Variants in HOXC10 observed in about 807,000 individuals in gnomAD.
The protein encoded by HOXC10 is homeobox C10.
In HOXC10, 15 loss-of-function variants were observed where a neutral mutation model predicts 26.0. The ratio of observed to expected loss-of-function variants is 0.58; its 90% CI spans 0.39 to 0.89. HOXC10 has a LOEUF of 0.89. Ranked by LOEUF, HOXC10 falls within the 40% of genes least tolerant of loss-of-function variation. The probability of loss-of-function intolerance (pLI) is 0.00; values close to 1 mark genes in which losing one functional copy is unlikely to be tolerated. For synonymous variants in HOXC10, 196 were observed against 185.5 expected (o/e 1.06, Z -0.46); for missense variants, 446 against 451.9 (o/e 0.99, Z 0.12).
In HOXC10 at chr12:53,989,414, C is replaced by T. The variant is rs377534424; in HGVS notation, c.997C>T (p.Arg333Trp). 24 of 1,613,558 alleles carry T rather than the reference C, an allele frequency of 1.5e-5. No homozygotes were observed. In the African/African-American group the frequency reaches 2.0e-4, roughly 13 times the overall value. The change falls in exon 2 of 2, where the codon CGG (arginine) becomes TGG (tryptophan). Residue 333 changes from arginine (R) to tryptophan (W), a missense_variant. Transcript: ENST00000303460. ...GAAAATGAACCGAGAGAATCGGATCCGGGAACTGACCTCCAATTTTAATTT... is the reference window on the plus strand; with the variant it reads ...GAAAATGAACCGAGAGAATCGGATCTGGGAACTGACCTCCAATTTTAATTT... ...LKKMNRENRI[R>W]ELTSNFNFT is the part of the protein sequence containing the mutation.
Position 53,985,285 on chromosome 12 carries a change from C to A in HOXC10, c.26C>A (p.Pro9Gln). 1 of 1,575,870 alleles carries A rather than the reference C, an allele frequency of 6.3e-7. No homozygotes were observed. The change falls in exon 1 of 2, where the codon CCG becomes CAG. Residue 9 changes from proline to glutamine, a missense_variant. Physicochemically the swap from Pro to Gln is moderately conservative, Grantham distance 76. Transcript: ENST00000303460. MTCPRNVTPNSYAEPLAAP... is the reference protein window; with the variant it reads MTCPRNVTQNSYAEPLAAP... ...ATGACATGCCCTCGCAATGTAACTC[C>A]GAACTCGTACGCGGAGCCCTTGGCT...
In HOXC10 at chr12:53,985,932, G is replaced by C. The variant is rs752163972; in HGVS notation, c.673G>C (p.Gly225Arg). The C allele has an allele frequency of 1.9e-6, 3 of 1,613,438 alleles. No individual in the cohort carries two copies. In the South Asian group the frequency reaches 3.3e-5, roughly 18 times the overall value. ...GGAGCAGAGCCTGGCGGGCCCTAAA[G>C]GGAGCCCCTCGGAGAGCGAAAAGGA... Reference protein sequence around the residue: ...KTEQSLAGPKGSPSESEKERA... With the variant: ...KTEQSLAGPKRSPSESEKERA... The change falls in exon 1 of 2, where the codon GGG (glycine) becomes CGG (arginine). Residue 225 changes from glycine (G) to arginine (R), a missense_variant. Coordinates refer to ENST00000303460, the MANE Select transcript of HOXC10 (RefSeq NM_017409.4).
In HOXC10 at chr12:53,987,858, G is replaced by A. The variant is rs557573669; in HGVS notation, c.752-1311G>A. 3.1e-4 allele frequency among the ~76,000 whole-genome samples: 47 copies of A among 152,158 alleles called. No homozygotes were observed. The South Asian group carries it at 9.4e-3, about 30-fold the overall frequency. On this transcript the variant is annotated intron_variant, in intron 1 of 1. Coordinates refer to ENST00000303460, the MANE Select transcript of HOXC10 (RefSeq NM_017409.4). ...ACTCCAGTAAGAAAATAAACAGGAC[G>A]TAGTTAGATGTGGAGAGCTTGTAAA...
At chr12:53,986,272 T>A in intron 1 of HOXC10, 1 of 412,556 alleles carries the variant, frequency 2.4e-6, no homozygotes. Flanking sequence ...GCGGGCCGCC[T>A]GCAGGCGCAG....
In HOXC10 at chr12:53,985,809, G is replaced by A; in HGVS notation, c.550G>A (p.Ala184Thr). The A allele has an allele frequency of 1.2e-6, 2 of 1,613,776 alleles. No individual in the cohort carries two copies. Among genetic ancestry groups the A allele is most frequent in the Non-Finnish European group, 1.7e-6 (2 of 1,180,014 alleles). ...FEQRASLNPR[A>T]EHLESPQLGG... ...GCAGCGGGCCAGTCTCAACCCGCGC[G>A]CCGAACATCTGGAATCGCCTCAGCT... is the stretch of plus-strand genomic sequence containing the variant. The change falls in exon 1 of 2, where the codon GCC becomes ACC. Residue 184 changes from alanine (A) to threonine (T), a missense_variant. Coordinates refer to ENST00000303460, the MANE Select transcript of HOXC10 (RefSeq NM_017409.4).
chr12:53,989,474 G>T lies in HOXC10; in HGVS notation c.*28G>T, dbSNP rs967672222. 2.5e-6 allele frequency: 4 copies of T among 1,587,328 alleles called. No individual in the cohort carries two copies. Among genetic ancestry groups the T allele is most frequent in the South Asian group, 2.3e-5 (2 of 87,272 alleles). On this transcript the variant is annotated 3_prime_UTR_variant, in exon 2 of 2. Coordinates refer to ENST00000303460, the MANE Select transcript of HOXC10 (RefSeq NM_017409.4). ...GCGCGGCCTCTCCTCCTCCCTTCCC[G>T]CTCCTTCCTCTCCCCGCCCCTCCTC... is the stretch of plus-strand genomic sequence containing the variant.
Position 53,989,713 on chromosome 12 carries a change from C to G in HOXC10, c.*267C>G, listed in dbSNP as rs1386070858. The stretch of plus-strand genomic sequence containing the variant: ...GTGGGAGTGTGGCTGGTGTGTGTGT[C>G]AAGCCCTCACTCACCCACGCACTCA... On this transcript the variant is annotated 3_prime_UTR_variant, in exon 2 of 2. Transcript: ENST00000303460. 4.0e-6 allele frequency: 2 copies of G among 501,396 alleles called. No homozygotes were observed. The highest frequency in any genetic ancestry group is 7.0e-6 in the Non-Finnish European group (2 of 285,178). 31.1% of individuals were successfully genotyped at this position (501,396 alleles called of 1,614,324 possible).
In HOXC10 at chr12:53,985,789, G is replaced by A. The variant is rs760359920; in HGVS notation, c.530G>A (p.Arg177Gln). ...GACTTCGAAGCCCCTTTCGAGCAGC[G>A]GGCCAGTCTCAACCCGCGCGCCGAA... ...ANDFEAPFEQ[R>Q]ASLNPRAEHL... The change falls in exon 1 of 2, where the codon CGG becomes CAG. Residue 177 changes from arginine to glutamine, a missense_variant. By Grantham distance (43) the Arg-to-Gln change is conservative. Transcript: ENST00000303460. The A allele has an allele frequency of 6.2e-7, 1 of 1,613,562 alleles. No homozygotes were observed. Among genetic ancestry groups the A allele is most frequent in the African/African-American group, 1.3e-5 (1 of 74,912 alleles).
chr12:53,985,374 T>A lies in HOXC10; in HGVS notation c.115T>A (p.Phe39Ile). The A allele has an allele frequency of 6.2e-7, 1 of 1,614,014 alleles. No homozygotes were observed. Among genetic ancestry groups the A allele is most frequent in the Non-Finnish European group, 8.5e-7 (1 of 1,180,026 alleles). ...CATGTATATGCAGTCTGGGAGTGAC[T>A]TCAATTGCGGGGTGATGAGGGGCTG... ...AGMYMQSGSD[F>I]NCGVMRGCGL... Residue 39 changes from phenylalanine to isoleucine, a missense_variant, in exon 1 of 2, where the codon TTC becomes ATC. Transcript: ENST00000303460.
Position 53,985,485 on chromosome 12 carries a change from C to G in HOXC10, c.226C>G (p.Leu76Val), listed in dbSNP as rs1462078464. The change falls in exon 1 of 2, where the codon CTG becomes GTG. Residue 76 changes from leucine (L) to valine (V), a missense_variant. Transcript: ENST00000303460. The part of the protein sequence containing the change: ...LNTYPSYLSQ[L>V]DSWGDPKAAY... Reference sequence around the variant, plus strand: ...CACCTATCCGTCCTACCTCTCGCAGCTGGACTCCTGGGGCGACCCCAAAGC... The same window carrying G: ...CACCTATCCGTCCTACCTCTCGCAGGTGGACTCCTGGGGCGACCCCAAAGC... The G allele has an allele frequency of 7.4e-6, 12 of 1,613,668 alleles. No homozygotes were observed. Among genetic ancestry groups the G allele is most frequent in the Non-Finnish European group, 1.0e-5 (12 of 1,179,908 alleles).
rs773865410 is a variant in HOXC10, at chr12:53,985,774, C to T, written c.515C>T (p.Ala172Val). Residue 172 changes from alanine (A) to valine (V), a missense_variant, in exon 1 of 2, where the codon GCC becomes GTC. Physicochemically the swap from Ala to Val is moderately conservative, Grantham distance 64 (BLOSUM62 0). Coordinates refer to ENST00000303460, the MANE Select transcript of HOXC10 (RefSeq NM_017409.4). ...TGTTCTGGGGCCAACGACTTCGAAGCCCCTTTCGAGCAGCGGGCCAGTCTC... is the reference window on the plus strand; with the variant it reads ...TGTTCTGGGGCCAACGACTTCGAAGTCCCTTTCGAGCAGCGGGCCAGTCTC... ...PHCSGANDFE[A>V]PFEQRASLNP... The T allele has an allele frequency of 3.1e-6, 5 of 1,613,628 alleles. No individual in the cohort carries two copies. The Admixed American group carries it at 8.3e-5, about 27-fold the overall frequency.
At position 53,985,916 on chromosome 12, in the gene HOXC10, C is replaced by T; in HGVS notation, c.657C>T (p.Ser219=). ...CCAATGAAATCAAGACGGAGCAGAGCCTGGCGGGCCCTAAAGGGAGCCCCT... is the reference window on the plus strand; with the variant it reads ...CCAATGAAATCAAGACGGAGCAGAGTCTGGCGGGCCCTAAAGGGAGCCCCT... ...PSPNEIKTEQ[S]LAGPKGSPSE... Residue 219 remains serine (S), a synonymous_variant, in exon 1 of 2, where the codon AGC becomes AGT. Transcript: ENST00000303460. The T allele has an allele frequency of 1.2e-6, 2 of 1,613,730 alleles. 1 individual carries two copies. Among genetic ancestry groups the T allele is most frequent in the South Asian group, 2.2e-5 (2 of 91,062 alleles).
chr12:53,990,247 A>AT lies in HOXC10; in HGVS notation c.*801_*802insT, dbSNP rs140519231. ...TAGCTTCCTTAATGGAGAAAAAAAAACCTAATAAATTTCCAGAATCATAAT... is the reference window on the plus strand; with the variant it reads ...TAGCTTCCTTAATGGAGAAAAAAAAATCCTAATAAATTTCCAGAATCATAAT... On this transcript the variant is annotated 3_prime_UTR_variant, in exon 2 of 2. Transcript: ENST00000303460. 0.11 allele frequency: 15,935 copies of AT among 151,700 alleles called. 2,324 individuals are homozygous for AT. Among genetic ancestry groups the AT allele is most frequent in the African/African-American group, 0.33 (13,676 of 41,010 alleles). The allele number at this position is 151,700 out of a possible 1,614,324, so 9.4% of individuals were successfully genotyped here. A position where few individuals can be genotyped will look rare whatever the true frequency, so the allele number is the denominator to read the frequency against.
chr12:53,989,119 G>C, intron 1 of HOXC10, 50 bp from the exon 2 acceptor site: 1 of 1,524,888 alleles, frequency 6.6e-7, no homozygotes, highest in Non-Finnish European at 8.9e-7. Flanking sequence ...AGCGCTGAGA[G>C]GGTTTTCGAC....
intron 1 of HOXC10, 145 bp from the exon 2 acceptor site, chr12:53,989,024 A>C (rs1308830935): frequency 3.2e-6 from 2 of 632,678 alleles, no homozygotes; most frequent in African/African-American, 3.7e-5. Context: ...CTTGAGCCTA[A>C]GAGGAGCCCA....
chr12:53,985,454 C>T lies in HOXC10; in HGVS notation c.195C>T (p.Ala65=), dbSNP rs1191003867. The change falls in exon 1 of 2, where the codon GCC becomes GCT. Residue 65 remains alanine (A), a synonymous_variant. Transcript: ENST00000303460. Reference sequence around the variant, plus strand: ...ACGAGGGCAGCAGCCCCAGCCTCGCCCTCAACACCTATCCGTCCTACCTCT... The same window carrying T: ...ACGAGGGCAGCAGCCCCAGCCTCGCTCTCAACACCTATCCGTCCTACCTCT... ...KRDEGSSPSL[A]LNTYPSYLSQ... The T allele has an allele frequency of 6.2e-7, 1 of 1,612,950 alleles. No individual in the cohort carries two copies. The highest frequency in any genetic ancestry group is 1.7e-5 in the Admixed American group (1 of 60,006).
chr12:53,987,826 CCTAACAA>C (rs1354890476), intron 1 of HOXC10, among the ~76,000 whole-genome samples: 7 of 152,226 alleles, frequency 4.6e-5, no homozygotes, highest in African/African-American at 1.7e-4. Context: ...CCCCACCAAA[CCTAACAA>C]CTCCAGTAAG....
intron 1 of HOXC10, chr12:53,986,228 G>A (rs1939433002): frequency 5.4e-6 from 3 of 551,508 alleles, no homozygotes; most frequent in Non-Finnish European, 9.2e-6. Context: ...GCCCTGCCCC[G>A]GCCATGGGTG....
chr12:53,988,133 T>A (rs1397469427), intron 1 of HOXC10, among the ~76,000 whole-genome samples: 1 of 152,188 alleles, frequency 6.6e-6, no homozygotes, highest in South Asian at 2.1e-4. Context: ...TGGACTCTGT[T>A]TTTTGCCCTT....
Sources: allele counts gnomAD v4.1 joint callset (sites outside exome capture counted in the v4.1 genomes callset), GRCh38; gene constraint gnomAD v4.1.1; transcripts MANE v1.5; gene names NCBI Gene and HGNC (gene_info 2026-07-23, HGNC 2026-07-21).